TARBP1: variants seen among roughly 807,000 people sequenced by gnomAD.
The protein encoded by TARBP1 is tRNA guanosine 2 -O-methyltransferase TARBP1.
TARBP1 carries 144 observed loss-of-function variants against 178.6 expected under a neutral mutation model. That is an observed-to-expected ratio of 0.81 (90% CI 0.70 to 0.93). The LOEUF (loss-of-function observed/expected upper bound fraction) is 0.93. TARBP1 is among the 40% of genes least tolerant of loss of function. The pLI is 0.00. For synonymous variants in TARBP1, 787 were observed against 781.0 expected, an observed-to-expected ratio of 1.01 and a Z score of -0.13; for missense variants, 2,067 against 2,011.7, an observed-to-expected ratio of 1.03 and a Z score of -0.53.
intron 24 of TARBP1, among the ~76,000 whole-genome samples, chr1:234,401,799 T>C: frequency 6.6e-6 from 1 of 152,210 alleles, no homozygotes; most frequent in East Asian, 1.9e-4. Flanking sequence ...CCAGTGTGTC[T>C]TCTTCACTCC....
intron 3 of TARBP1, among the ~76,000 whole-genome samples, chr1:234,468,178 C>T (rs576837316): frequency 6.6e-6 from 1 of 152,162 alleles, no homozygotes; most frequent in African/African-American, 2.4e-5. Flanking sequence ...ATGGGCCAGG[C>T]ATGGTGGCTC....
chr1:234,403,816 T>C (rs941435847), intron 24 of TARBP1, among the ~76,000 whole-genome samples: 3 of 152,286 alleles, frequency 2.0e-5, no homozygotes, highest in Non-Finnish European at 2.9e-5. Context: ...CCCGAGTAGC[T>C]GAGATTACAG....
Position 234,410,501 on chromosome 1 carries a change from T to C in TARBP1, c.3736A>G (p.Thr1246Ala), listed in dbSNP as rs1661693105. 6.6e-7 allele frequency: 1 copy of C among 1,514,034 alleles called. No individual in the cohort carries two copies. The highest frequency in any genetic ancestry group is 9.1e-7 in the Non-Finnish European group (1 of 1,100,348). 93.8% of individuals were successfully genotyped at this position (1,514,034 alleles called of 1,614,324 possible). The change falls in exon 23 of 30, where the codon ACG (threonine) becomes GCG (alanine). Residue 1246 changes from threonine to alanine, a missense_variant. Physicochemically the swap from Thr to Ala is moderately conservative, Grantham distance 58. Coordinates refer to ENST00000040877, the MANE Select transcript of TARBP1 (RefSeq NM_005646.4). The part of the protein sequence containing the change: ...GEENLKTSIC[T>A]FLAVLSHLDI... Reference sequence around the variant, plus strand: ...AAATGTGATAAAACTGCTAAAAACGTACAAATGCTTGTTTTAAGATTTTCT... The same window carrying C: ...AAATGTGATAAAACTGCTAAAAACGCACAAATGCTTGTTTTAAGATTTTCT...
chr1:234,437,457 T>G, intron 12 of TARBP1, 85 bp from the exon 13 acceptor site: 1 of 616,174 alleles, frequency 1.6e-6, no homozygotes, highest in Non-Finnish European at 2.8e-6. Flanking sequence ...AATGTACAAC[T>G]GGGCTAAGCA....
intron 1 of TARBP1, among the ~76,000 whole-genome samples, chr1:234,477,286 C>T (rs1669654670): frequency 6.6e-6 from 1 of 152,200 alleles, no homozygotes; most frequent in African/African-American, 2.4e-5. Flanking sequence ...AGTGAAAACT[C>T]TCAGGGATGA....
chr1:234,435,050 T>C (rs1405478009), intron 13 of TARBP1, among the ~76,000 whole-genome samples: 2 of 152,180 alleles, frequency 1.3e-5, no homozygotes, highest in Non-Finnish European at 2.9e-5. Context: ...CATTTCTGTG[T>C]TGTAACAAAG....
chr1:234,420,902 G>C (rs1663010426), intron 20 of TARBP1, 90 bp from the exon 21 acceptor site: 1 of 721,820 alleles, frequency 1.4e-6, no homozygotes, highest in Non-Finnish European at 2.3e-6. Context: ...AATGTAAGTG[G>C]CTTAAATTAG....
chr1:234,455,095 C>T (rs574149988), intron 9 of TARBP1, among the ~76,000 whole-genome samples: 1 of 152,254 alleles, frequency 6.6e-6, no homozygotes, highest in East Asian at 1.9e-4. Context: ...GAAGTGGACT[C>T]GCCCCTACAA....
intron 1 of TARBP1, among the ~76,000 whole-genome samples, chr1:234,475,114 T>C (rs150357326): frequency 4.6e-5 from 7 of 152,346 alleles, no homozygotes; most frequent in African/African-American, 1.7e-4. Flanking sequence ...AGCTCTTTTC[T>C]TCAAGCCTGC....
At chr1:234,411,737 T>G (rs1661841673) in intron 22 of TARBP1, among the ~76,000 whole-genome samples, 2 of 152,180 alleles carry the variant, frequency 1.3e-5, no homozygotes, top group Admixed American at 1.3e-4. Context: ...AACCTCTGAT[T>G]CCAGTTGAAA....
chr1:234,419,651 A>C (rs1474283244), intron 21 of TARBP1, among the ~76,000 whole-genome samples: 3 of 152,084 alleles, frequency 2.0e-5, no homozygotes, highest in Non-Finnish European at 4.4e-5. Flanking sequence ...TAAGAAAAAA[A>C]TGCTCTCGGT....
intron 1 of TARBP1, among the ~76,000 whole-genome samples, chr1:234,473,648 A>G (rs1046913913): frequency 3.3e-5 from 5 of 152,236 alleles, no homozygotes; most frequent in Admixed American, 6.5e-5. Flanking sequence ...TATATCAGAG[A>G]TTCCTTAATG....
chr1:234,433,461 A>T lies in TARBP1; in HGVS notation c.2343T>A (p.Ser781=). Reference sequence around the variant, plus strand: ...GCTGAATGGATGCATTTTTCAAAAGAGAAATAACTCTCCAGATAGGGTTAC... The same window carrying T: ...GCTGAATGGATGCATTTTTCAAAAGTGAAATAACTCTCCAGATAGGGTTAC... ...KRGNPIWRVI[S]LLKNASIQHL... The change falls in exon 14 of 30, where the codon TCT becomes TCA. Residue 781 remains serine (S), a synonymous_variant. Transcript: ENST00000040877. 6.2e-7 allele frequency: 1 copy of T among 1,614,078 alleles called. No individual in the cohort carries two copies. Among genetic ancestry groups the T allele is most frequent in the Non-Finnish European group, 8.5e-7 (1 of 1,180,010 alleles).
chr1:234,391,791 A>T (rs184001911), intron 29 of TARBP1, 46 bp from the exon 30 acceptor site: 1 of 1,565,280 alleles, frequency 6.4e-7, no homozygotes, highest in South Asian at 1.2e-5. Flanking sequence ...GTAACAAACA[A>T]TTTTTCTCTT....
chr1:234,409,254 A>C (rs1031755036), intron 23 of TARBP1, among the ~76,000 whole-genome samples: 1 of 152,208 alleles, frequency 6.6e-6, no homozygotes, highest in Non-Finnish European at 1.5e-5. Context: ...TAAAATATGT[A>C]ATAAACGGCA....
At chr1:234,427,981 T>C (rs1160606406) in intron 17 of TARBP1, among the ~76,000 whole-genome samples, 1 of 152,212 alleles carries the variant, frequency 6.6e-6, no homozygotes, top group African/African-American at 2.4e-5. Context: ...GATAGTGATA[T>C]TCATCCAGGA....
chr1:234,453,418 G>A (rs1666983901), intron 9 of TARBP1, among the ~76,000 whole-genome samples: 1 of 150,428 alleles, frequency 6.6e-6, no homozygotes, highest in South Asian at 2.1e-4. Context: ...TTGAACTCCT[G>A]AGCTCAAGTG....
At chr1:234,427,852 T>C (rs1361587598) in intron 17 of TARBP1, 86 bp from the exon 18 acceptor site, 2 of 974,110 alleles carry the variant, frequency 2.1e-6, no homozygotes, top group Non-Finnish European at 2.8e-6. Flanking sequence ...AGTTTCAACA[T>C]AATCATGAAC....
chr1:234,478,054 AC>A, intron 1 of TARBP1, 118 bp downstream of exon 1: 2 of 1,031,146 alleles, frequency 1.9e-6, no homozygotes, highest in Non-Finnish European at 2.8e-6. Context: ...ACGCGGAATA[AC>A]CAAATTCTGC....
Sources: allele counts gnomAD v4.1 joint callset (sites outside exome capture counted in the v4.1 genomes callset), GRCh38; gene constraint gnomAD v4.1.1; transcripts MANE v1.5; gene names NCBI Gene and HGNC (gene_info 2026-07-23, HGNC 2026-07-21).